EPHB1: variants seen among roughly 807,000 people sequenced by gnomAD.
EPHB1 encodes EPH receptor B1.
In EPHB1, 30 loss-of-function variants were observed where a neutral mutation model predicts 94.4. The observed-to-expected ratio is 0.32, with a 90% CI of 0.24 to 0.43. EPHB1 has a LOEUF of 0.43. EPHB1 is among the 20% of genes least tolerant of loss of function. EPHB1 has a pLI of 1.00. For missense variants in EPHB1, 1,055 were observed against 1,308.3 expected (o/e 0.81, Z 2.99); for synonymous variants, 522 against 489.1 (o/e 1.07, Z -0.89).
intron 5 of EPHB1, among the ~76,000 whole-genome samples, chr3:135,135,822 G>C (rs1334118020): frequency 6.6e-6 from 1 of 152,186 alleles, no homozygotes; most frequent in Non-Finnish European, 1.5e-5. Flanking sequence ...CTCTATGTCT[G>C]GAACTGCCCA....
rs191353283 is a variant in EPHB1, at chr3:134,985,000, T to C, written c.805+32948T>C. ...GGATGAGTGGGAGAAGCTGGGCCAG[T>C]GTGGACCAGCACCCTGATGTAAGGT... On this transcript the variant is annotated intron_variant, in intron 3 of 15. Transcript: ENST00000398015. 1.5e-3 allele frequency among the ~76,000 whole-genome samples: 233 copies of C among 152,258 alleles called. 2 individuals are homozygous for C. The highest frequency in any genetic ancestry group is 5.3e-3 in the African/African-American group (221 of 41,560).
At chr3:134,882,754 C>CTTTCT (rs1316244978) in intron 1 of EPHB1, among the ~76,000 whole-genome samples, 382 of 31,308 alleles carry the variant, frequency 0.012, 9 homozygotes, top group African/African-American at 0.039. Flanking sequence ...TTCTTCCTTT[C>CTTTCT]TTCCTTCCTT....
At chr3:135,130,714 C>T (rs1213536098) in intron 4 of EPHB1, among the ~76,000 whole-genome samples, 3 of 152,092 alleles carry the variant, frequency 2.0e-5, no homozygotes, top group Non-Finnish European at 4.4e-5. Flanking sequence ...TGCCTCTGCC[C>T]CTTCACCCGA....
intron 3 of EPHB1, among the ~76,000 whole-genome samples, chr3:135,032,459 A>T (rs1201270414): frequency 6.6e-6 from 1 of 151,580 alleles, no homozygotes; most frequent in African/African-American, 2.4e-5. Flanking sequence ...AGTTTTAGAC[A>T]TTTTCTTCAA....
chr3:135,053,274 A>T (rs182311754), intron 3 of EPHB1, among the ~76,000 whole-genome samples: 53 of 151,982 alleles, frequency 3.5e-4, no homozygotes, highest in African/African-American at 1.2e-3. Context: ...CACACACTCT[A>T]TGCATCTAAC....
intron 12 of EPHB1, among the ~76,000 whole-genome samples, chr3:135,225,700 G>T (rs2107721951): frequency 6.6e-6 from 1 of 152,142 alleles, no homozygotes; most frequent in East Asian, 1.9e-4. Context: ...GGTGAGTGGG[G>T]ATGATGATAG....
At chr3:134,922,042 C>T (rs534368511) in intron 1 of EPHB1, among the ~76,000 whole-genome samples, 2 of 152,308 alleles carry the variant, frequency 1.3e-5, no homozygotes, top group East Asian at 1.9e-4. Flanking sequence ...GCACTGAGTA[C>T]GTGCTCCCAG....
intron 11 of EPHB1, among the ~76,000 whole-genome samples, chr3:135,196,626 A>G (rs1412892269): frequency 1.3e-5 from 2 of 152,200 alleles, no homozygotes; most frequent in African/African-American, 2.4e-5. Flanking sequence ...TCAGTTCTAC[A>G]GGGTCCATCT....
rs561373074 is a variant in EPHB1 at position 135,249,635 on chromosome 3, T to C, written c.2846+144T>C. On this transcript the variant is annotated intron_variant, in intron 15 of 15. Coordinates refer to ENST00000398015, the MANE Select transcript of EPHB1 (RefSeq NM_004441.5). ...GACCAGGCCTGGATGGGGAGCACCTTGGAAAGATGAAGGGGGATGTGAGGG... is the reference window on the plus strand; with the variant it reads ...GACCAGGCCTGGATGGGGAGCACCTCGGAAAGATGAAGGGGGATGTGAGGG... 3.6e-3 allele frequency: 3,232 copies of C among 899,084 alleles called. 18 individuals carry two copies. The highest frequency in any genetic ancestry group is 4.6e-3 in the Non-Finnish European group (2,856 of 619,480). 55.7% of individuals were successfully genotyped at this position (899,084 alleles called of 1,614,324 possible). A position where few individuals can be genotyped will look rare whatever the true frequency, so the allele number is the denominator to read the frequency against.
chr3:135,179,036 T>C (rs1298738405), intron 9 of EPHB1, among the ~76,000 whole-genome samples: 1 of 152,140 alleles, frequency 6.6e-6, no homozygotes, highest in African/African-American at 2.4e-5. Flanking sequence ...TTGTTCCCTC[T>C]CCTCTACTTT....
chr3:135,237,922 C>T lies in EPHB1; in HGVS notation c.2347-3226C>T, dbSNP rs114650855. Among the ~76,000 whole-genome samples, 1,304 of 152,284 alleles carry T rather than the reference C, an allele frequency of 8.6e-3. 16 individuals are homozygous for T. The highest frequency in any genetic ancestry group is 0.029 in the African/African-American group (1,199 of 41,562). On this transcript the variant is annotated intron_variant, in intron 12 of 15. Transcript: ENST00000398015. ...AGCAGGACCGCCTGGCTGGCAGAAC[C>T]CTGCCTGCTGCAGCAGGGTTCCACT...
At chr3:134,919,027 C>T (rs758553730) in intron 1 of EPHB1, among the ~76,000 whole-genome samples, 11 of 152,082 alleles carry the variant, frequency 7.2e-5, no homozygotes, top group Non-Finnish European at 8.8e-5. Context: ...ACACCAGTTA[C>T]GAGGTGGTTG....
At position 135,002,990 on chromosome 3, in the gene EPHB1, C is replaced by T. The variant is rs528950399; in HGVS notation, c.805+50938C>T. 6.7e-3 allele frequency among the ~76,000 whole-genome samples: 1,020 copies of T among 152,310 alleles called. 5 individuals are homozygous for T. Among genetic ancestry groups the T allele is most frequent in the Middle Eastern group, 0.034 (10 of 294 alleles). Reference sequence around the variant, plus strand: ...CTGCTCTGATTTTAGTTATTTCTTGCCTTCTACTAGCTCTTGAATGTGTTT... The same window carrying T: ...CTGCTCTGATTTTAGTTATTTCTTGTCTTCTACTAGCTCTTGAATGTGTTT... On this transcript the variant is annotated intron_variant, in intron 3 of 15. Coordinates refer to ENST00000398015, the MANE Select transcript of EPHB1 (RefSeq NM_004441.5).
intron 2 of EPHB1, among the ~76,000 whole-genome samples, chr3:134,928,878 T>C (rs916021798): frequency 6.6e-6 from 1 of 151,652 alleles, no homozygotes; most frequent in Non-Finnish European, 1.5e-5. Context: ...GGTCCAGTTT[T>C]AGAAGCCAGG....
rs536092469 is a variant in EPHB1, at chr3:134,861,740, G to A, written c.59-64076G>A. 7.9e-5 allele frequency among the ~76,000 whole-genome samples: 12 copies of A among 152,204 alleles called. 2 individuals carry two copies. The highest frequency in any genetic ancestry group is 2.9e-4 in the African/African-American group (12 of 41,526). On this transcript the variant is annotated intron_variant, in intron 1 of 15. Transcript: ENST00000398015. ...CTTGTTTGGCATCGGGGGAGGGAGA[G>A]CATCAGGATAAGTAACTAATGCATG...
chr3:135,256,232 T>G (rs1296499124), intron 15 of EPHB1, among the ~76,000 whole-genome samples: 1 of 152,210 alleles, frequency 6.6e-6, no homozygotes, highest in African/African-American at 2.4e-5. Context: ...AAAGTTAATA[T>G]TGTTATGTGT....
chr3:135,002,877 CT>C (rs1935236141), intron 3 of EPHB1, among the ~76,000 whole-genome samples: 2 of 151,818 alleles, frequency 1.3e-5, no homozygotes, highest in Non-Finnish European at 2.9e-5. Context: ...TGCTAGCGGT[CT>C]ATCAATTTTG....
intron 13 of EPHB1, among the ~76,000 whole-genome samples, chr3:135,247,578 AACAG>A (rs1197163310): frequency 6.6e-6 from 1 of 152,220 alleles, no homozygotes. Context: ...AGATCTGAAA[AACAG>A]ACAATGTACT....
intron 4 of EPHB1, among the ~76,000 whole-genome samples, chr3:135,128,922 G>C (rs1940312494): frequency 6.6e-6 from 1 of 152,120 alleles, no homozygotes; most frequent in African/African-American, 2.4e-5. Context: ...TGCCCTCAAG[G>C]AGGCAGGGGA....
Sources: gnomAD v4.1 joint callset for allele counts (sites outside exome capture counted in the v4.1 genomes callset) on GRCh38, gnomAD v4.1.1 for gene constraint, MANE v1.5 for transcripts, NCBI Gene and HGNC (gene_info 2026-07-23, HGNC 2026-07-21) for gene names.